OR8K3: variants seen among roughly 807,000 people sequenced by gnomAD.
OR8K3 encodes olfactory receptor 8K3.
For synonymous variants in OR8K3, 167 were observed against 138.8 expected (o/e 1.20, Z -1.43); for missense variants, 448 against 367.4 (o/e 1.22, Z -1.79).
chr11:56,315,211 T>G (rs1590836327), intron 1 of OR8K3, 44 bp downstream of exon 1: 1 of 152,218 alleles, frequency 6.6e-6, no homozygotes, highest in East Asian at 1.9e-4. Flanking sequence ...GTGTCATATG[T>G]TACAGATATC....
At position 56,319,221 on chromosome 11, in the gene OR8K3, T is replaced by A. The variant is rs1448905021; in HGVS notation, c.915T>A (p.Asn305Lys). 1 of 1,599,022 alleles carries A rather than the reference T, an allele frequency of 6.3e-7. No individual in the cohort carries two copies. Among genetic ancestry groups the A allele is most frequent in the East Asian group, 2.2e-5 (1 of 44,800 alleles). Reference protein sequence around the residue: ...DVKYALRRTWNNLCNIFV With the variant: ...DVKYALRRTWKNLCNIFV ...AATATGCCCTACGAAGGACATGGAA[T>A]AACTTATGTAATATTTTTGTTTAAA... Residue 305 changes from asparagine (N) to lysine (K), a missense_variant, in exon 3 of 3, where the codon AAT becomes AAA. Asn to Lys is a moderately conservative substitution (Grantham distance 94). Coordinates refer to ENST00000641662, the MANE Select transcript of OR8K3 (RefSeq NM_001005202.2).
chr11:56,318,908 T>C lies in OR8K3; in HGVS notation c.602T>C (p.Ile201Thr). 1.2e-6 allele frequency: 2 copies of C among 1,614,020 alleles called. No homozygotes were observed. Among genetic ancestry groups the C allele is most frequent in the Non-Finnish European group, 1.7e-6 (2 of 1,179,846 alleles). Reference sequence around the variant, plus strand: ...CATGAAATTGAATTGATAATTCTGATCTTTGCAGCTATTGATTTGATTTCA... The same window carrying C: ...CATGAAATTGAATTGATAATTCTGACCTTTGCAGCTATTGATTTGATTTCA... ...NTHEIELIIL[I>T]FAAIDLISSL... is the part of the protein sequence containing the mutation. The change falls in exon 3 of 3, where the codon ATC becomes ACC. Residue 201 changes from isoleucine to threonine, a missense_variant. Ile to Thr is a moderately conservative substitution (Grantham distance 89, BLOSUM62 -1). Transcript: ENST00000641662.
chr11:56,318,645 T>G lies in OR8K3; in HGVS notation c.339T>G (p.Phe113Leu), dbSNP rs1205863962. 6.2e-7 allele frequency: 1 copy of G among 1,613,898 alleles called. No individual in the cohort carries two copies. Among genetic ancestry groups the G allele is most frequent in the Admixed American group, 1.7e-5 (1 of 59,998 alleles). ...FFLVFIGSEL[F>L]ILSAMSYDLY... is the part of the protein sequence containing the mutation. Reference sequence around the variant, plus strand: ...TTGTGTTCATTGGTAGTGAACTTTTTATTCTCTCAGCCATGTCCTACGACC... The same window carrying G: ...TTGTGTTCATTGGTAGTGAACTTTTGATTCTCTCAGCCATGTCCTACGACC... Residue 113 changes from phenylalanine (F) to leucine (L), a missense_variant, in exon 3 of 3, where the codon TTT becomes TTG. Phe to Leu is a conservative substitution (Grantham distance 22, BLOSUM62 0). Transcript: ENST00000641662.
Position 56,318,281 on chromosome 11 carries a change from C to T in OR8K3, c.-23-3C>T, listed in dbSNP as rs779058230. The T allele has an allele frequency of 6.5e-7, 1 of 1,541,228 alleles. No homozygotes were observed. Among genetic ancestry groups the T allele is most frequent in the South Asian group, 1.1e-5 (1 of 87,480 alleles). On this transcript the variant is annotated splice_polypyrimidine_tract_variant and splice_region_variant and intron_variant, in intron 2 of 2. Transcript: ENST00000641662. ...CTATTGACAATGCCGATGTCTCTAT[C>T]AGAATAGGTTTTCTGATGAACCTGG...
chr11:56,318,722 G>A lies in OR8K3; in HGVS notation c.416G>A (p.Arg139Lys), dbSNP rs767575024. ...CTATACACAGTAATCATGTCACGAA[G>A]GGTATGTCAGGTGCTGGTAGCAATC... ...PLLYTVIMSR[R>K]VCQVLVAIPY... The change falls in exon 3 of 3, where the codon AGG (arginine) becomes AAG (lysine). Residue 139 changes from arginine (R) to lysine (K), a missense_variant. Coordinates refer to ENST00000641662, the MANE Select transcript of OR8K3 (RefSeq NM_001005202.2). 1 of 1,613,984 alleles carries A rather than the reference G, an allele frequency of 6.2e-7. No individual in the cohort carries two copies. The highest frequency in any genetic ancestry group is 8.5e-7 in the Non-Finnish European group (1 of 1,179,936).
chr11:56,318,943 A>C lies in OR8K3; in HGVS notation c.637A>C (p.Ile213Leu), dbSNP rs747461195. 1 of 1,614,038 alleles carries C rather than the reference A, an allele frequency of 6.2e-7. No homozygotes were observed. The highest frequency in any genetic ancestry group is 2.2e-5 in the East Asian group (1 of 44,872). ...TATTGATTTGATTTCATCTCTTCTG[A>C]TAGTTCTTTTATCTTACCTGCTCAT... ...AAIDLISSLL[I>L]VLLSYLLILV... is the part of the protein sequence containing the mutation. The change falls in exon 3 of 3, where the codon ATA becomes CTA. Residue 213 changes from isoleucine (I) to leucine (L), a missense_variant. Physicochemically the swap from Ile to Leu is conservative, Grantham distance 5. Coordinates refer to ENST00000641662, the MANE Select transcript of OR8K3 (RefSeq NM_001005202.2).
At chr11:56,317,512 A>T (rs563067459) in intron 2 of OR8K3, among the ~76,000 whole-genome samples, 1 of 152,118 alleles carries the variant, frequency 6.6e-6, no homozygotes, top group South Asian at 2.1e-4. Context: ...TCTTACTCAT[A>T]TGCCTAATAT....
At chr11:56,315,669 G>T (rs536761755) in intron 1 of OR8K3, among the ~76,000 whole-genome samples, 59 of 151,972 alleles carry the variant, frequency 3.9e-4, no homozygotes, top group Non-Finnish European at 8.1e-4. Context: ...TAAATGTGTA[G>T]ATATGATTGT....
At chr11:56,315,534 T>C (rs754419773) in intron 1 of OR8K3, among the ~76,000 whole-genome samples, 4 of 152,134 alleles carry the variant, frequency 2.6e-5, no homozygotes, top group Non-Finnish European at 2.9e-5. Context: ...ATATTTTTAA[T>C]GAAAGAATGG....
At position 56,320,628 on chromosome 11, in the gene OR8K3, G is replaced by A. The variant is rs867183915; in HGVS notation, c.*1383G>A. 3 of 152,082 alleles carry A rather than the reference G, an allele frequency of 2.0e-5. No homozygotes were observed. Among genetic ancestry groups the A allele is most frequent in the Non-Finnish European group, 4.4e-5 (3 of 68,032 alleles). The allele number at this position is 152,082 out of a possible 1,614,324, so 9.4% of individuals were successfully genotyped here. Reference sequence around the variant, plus strand: ...CATTGCATAGCACATTGTCATGTGAGGATAAATATTACCATATTGTTGCTG... The same window carrying A: ...CATTGCATAGCACATTGTCATGTGAAGATAAATATTACCATATTGTTGCTG... On this transcript the variant is annotated 3_prime_UTR_variant, in exon 3 of 3. Transcript: ENST00000641662.
At chr11:56,317,736 G>A (rs147498924) in intron 2 of OR8K3, among the ~76,000 whole-genome samples, 1 of 151,814 alleles carries the variant, frequency 6.6e-6, no homozygotes, top group African/African-American at 2.4e-5. Flanking sequence ...AGATATCCAC[G>A]GTATTAACAA....
rs1205103820 is a variant in OR8K3 at position 56,319,073 on chromosome 11, T to C, written c.767T>C (p.Phe256Ser). 6.2e-7 allele frequency: 1 copy of C among 1,614,152 alleles called. No individual in the cohort carries two copies. The change falls in exon 3 of 3, where the codon TTC (phenylalanine) becomes TCC (serine). Residue 256 changes from phenylalanine to serine, a missense_variant. Physicochemically the swap from Phe to Ser is radical, Grantham distance 155. Coordinates refer to ENST00000641662, the MANE Select transcript of OR8K3 (RefSeq NM_001005202.2). Reference sequence around the variant, plus strand: ...ATAGTGTTCTATGGGACTTTGCTTTTCATGTACGTGCAGCCCAAGTCCAGT... The same window carrying C: ...ATAGTGTTCTATGGGACTTTGCTTTCCATGTACGTGCAGCCCAAGTCCAGT... ...VVIVFYGTLL[F>S]MYVQPKSSHS...
Position 56,318,362 on chromosome 11 carries a change from A to T in OR8K3, c.56A>T (p.Asp19Val), listed in dbSNP as rs1230731067. 6.2e-7 allele frequency: 1 copy of T among 1,613,892 alleles called. No homozygotes were observed. The highest frequency in any genetic ancestry group is 1.7e-5 in the Admixed American group (1 of 60,012). Residue 19 changes from aspartate to valine, a missense_variant, in exon 3 of 3, where the codon GAT (aspartate) becomes GTT (valine). Coordinates refer to ENST00000641662, the MANE Select transcript of OR8K3 (RefSeq NM_001005202.2). The part of the protein sequence containing the change: ...VNEFILTGIT[D>V]IAELQAPLFA... ...GAATTCATTCTTACGGGAATCACAG[A>T]TATCGCTGAGCTGCAGGCACCATTA...
At chr11:56,317,063 G>T (rs1319636344) in intron 2 of OR8K3, among the ~76,000 whole-genome samples, 1 of 151,956 alleles carries the variant, frequency 6.6e-6, no homozygotes, top group Non-Finnish European at 1.5e-5. Context: ...GCCCTAAGTT[G>T]CAAGTATTAC....
At position 56,320,437 on chromosome 11, in the gene OR8K3, A is replaced by T. The variant is rs747681146; in HGVS notation, c.*1192A>T. The T allele has an allele frequency of 2.6e-5, 4 of 152,136 alleles. No individual in the cohort carries two copies. The South Asian group carries it at 6.2e-4, about 24-fold the overall frequency. 9.4% of individuals were successfully genotyped at this position (152,136 alleles called of 1,614,324 possible). A position where few individuals can be genotyped will look rare whatever the true frequency, so the allele number is the denominator to read the frequency against. ...AAACATGGTTGCTTTCCTTAACTCCATATGTTTTCTTATGTATTTTGATTT... is the reference window on the plus strand; with the variant it reads ...AAACATGGTTGCTTTCCTTAACTCCTTATGTTTTCTTATGTATTTTGATTT... On this transcript the variant is annotated 3_prime_UTR_variant, in exon 3 of 3. Coordinates refer to ENST00000641662, the MANE Select transcript of OR8K3 (RefSeq NM_001005202.2).
rs1186191273 is a variant in OR8K3 at position 56,318,855 on chromosome 11, T to C, written c.549T>C (p.Pro183=). 1 of 1,613,968 alleles carries C rather than the reference T, an allele frequency of 6.2e-7. No individual in the cohort carries two copies. The highest frequency in any genetic ancestry group is 2.2e-5 in the East Asian group (1 of 44,892). Reference sequence around the variant, plus strand: ...GTCATTTCTACTGTGACAGTCTCCCTTTGTTACCTTTGCTTTGTTCAAATA... The same window carrying C: ...GTCATTTCTACTGTGACAGTCTCCCCTTGTTACCTTTGCTTTGTTCAAATA... The part of the protein sequence containing the change: ...VISHFYCDSL[P]LLPLLCSNTH... The change falls in exon 3 of 3, where the codon CCT becomes CCC. Residue 183 remains proline, a synonymous_variant. Transcript: ENST00000641662.
Position 56,318,382 on chromosome 11 carries a change from C to A in OR8K3, c.76C>A (p.Pro26Thr). Residue 26 changes from proline (P) to threonine (T), a missense_variant, in exon 3 of 3, where the codon CCA (proline) becomes ACA (threonine). By Grantham distance (38) the Pro-to-Thr change is conservative (BLOSUM62 -1). Transcript: ENST00000641662. ...GITDIAELQA[P>T]LFALFLMIYV... is the part of the protein sequence containing the mutation. The stretch of plus-strand genomic sequence containing the variant: ...CACAGATATCGCTGAGCTGCAGGCA[C>A]CATTATTTGCATTGTTCCTCATGAT... The A allele has an allele frequency of 6.2e-7, 1 of 1,613,706 alleles. No homozygotes were observed. Among genetic ancestry groups the A allele is most frequent in the South Asian group, 1.1e-5 (1 of 91,076 alleles).
intron 2 of OR8K3, among the ~76,000 whole-genome samples, chr11:56,317,534 A>G (rs750271574): frequency 1.2e-4 from 18 of 152,092 alleles, no homozygotes; most frequent in Non-Finnish European, 2.6e-4. Flanking sequence ...TGTCAACTCT[A>G]TTAAAGTCTC....
chr11:56,318,996 T>C lies in OR8K3; in HGVS notation c.690T>C (p.Ser230=). Residue 230 remains serine (S), a synonymous_variant, in exon 3 of 3, where the codon TCT becomes TCC. Coordinates refer to ENST00000641662, the MANE Select transcript of OR8K3 (RefSeq NM_001005202.2). ...TTGTAGCCATTCTCAGGATGAATTC[T>C]GCTGGCAGACAAAAGGCTTTTTCTA... is the stretch of plus-strand genomic sequence containing the variant. The part of the protein sequence containing the change: ...LILVAILRMN[S]AGRQKAFSTC... The C allele has an allele frequency of 6.2e-7, 1 of 1,614,204 alleles. No individual in the cohort carries two copies.
Sources: allele counts gnomAD v4.1 joint callset (sites outside exome capture counted in the v4.1 genomes callset), GRCh38; gene constraint gnomAD v4.1.1; transcripts MANE v1.5; gene names NCBI Gene and HGNC (gene_info 2026-07-23, HGNC 2026-07-21).